PVT1: variants seen among roughly 807,000 people sequenced by gnomAD.
PVT1 encodes the protein Pvt1 oncogene, also known as CXCR4/PVT1 fusion.
chr8:127,889,035 T>TTCCTTCCTTCCTTCCTTC (rs1815561979), intron 2 of PVT1, among the ~76,000 whole-genome samples: 2 of 100,494 alleles, frequency 2.0e-5, no homozygotes, highest in African/African-American at 7.1e-5. Flanking sequence ...TTTCTCTCTT[T>TTCCTTCCTTCCTTCCTTC]CTTTCTTCCT....
intron 2 of PVT1, among the ~76,000 whole-genome samples, chr8:127,832,440 T>C (rs1351326748): frequency 6.6e-6 from 1 of 152,366 alleles, no homozygotes; most frequent in Non-Finnish European, 1.5e-5. Flanking sequence ...CAGGCATTTT[T>C]ACTGTAGTAC....
At chr8:127,932,642 ACG>A (rs1816221920) in intron 3 of PVT1, 1 of 398,272 alleles carries the variant, frequency 2.5e-6, no homozygotes, top group Non-Finnish European at 4.4e-6. Context: ...ACACCAAGCT[ACG>A]TACAGCTTCA....
chr8:127,889,683 T>C lies in PVT1; in HGVS notation n.373-906T>C, dbSNP rs1586423325. Among the ~76,000 whole-genome samples, 3 of 152,254 alleles carry C rather than the reference T, an allele frequency of 2.0e-5. No homozygotes were observed. The South Asian group carries it at 6.2e-4, about 32-fold the overall frequency. ...TAGAGCGGCGGATCAGGGCACAGAC[T>C]TGGGAGACAGACTGTCTAGCTTCAG... is the stretch of plus-strand genomic sequence containing the variant. On this transcript the variant is annotated intron_variant and non_coding_transcript_variant, in intron 2 of 10. Transcript: ENST00000651587.
At chr8:128,043,754 A>G (rs1813573914) in intron 4 of PVT1, among the ~76,000 whole-genome samples, 2 of 139,674 alleles carry the variant, frequency 1.4e-5, no homozygotes. Context: ...ATATAGTATT[A>G]TTTTCCCAAA....
At chr8:127,985,892 G>A (rs1398447014) in intron 3 of PVT1, among the ~76,000 whole-genome samples, 1 of 152,134 alleles carries the variant, frequency 6.6e-6, no homozygotes, top group Non-Finnish European at 1.5e-5. Flanking sequence ...ACTGTCTCCT[G>A]CCAAGTGGCC....
intron 3 of PVT1, among the ~76,000 whole-genome samples, chr8:127,910,095 T>C (rs757611261): frequency 1.8e-4 from 28 of 152,228 alleles, no homozygotes; most frequent in Non-Finnish European, 3.1e-4. Context: ...GCACACCACG[T>C]CCGTCCTCAT....
At chr8:127,937,608 G>C (rs111933004) in intron 3 of PVT1, among the ~76,000 whole-genome samples, 2,870 of 149,072 alleles carry the variant, frequency 0.019, 98 homozygotes, top group African/African-American at 0.068. Context: ...GAGAGAGAGA[G>C]ACCAACGTGG....
intron 3 of PVT1, among the ~76,000 whole-genome samples, chr8:127,933,385 A>G (rs1003202241): frequency 1.3e-5 from 2 of 152,188 alleles, no homozygotes; most frequent in Non-Finnish European, 2.9e-5. Flanking sequence ...AGTATCATGG[A>G]TATTTTTAAA....
intron 2 of PVT1, among the ~76,000 whole-genome samples, chr8:127,812,639 A>AGGAAG (rs201063026): frequency 4.1e-5 from 6 of 145,010 alleles, no homozygotes; most frequent in Admixed American, 6.9e-5. Flanking sequence ...GAAGGAAGGA[A>AGGAAG]GGAAGGGAAG....
intron 3 of PVT1, among the ~76,000 whole-genome samples, chr8:127,946,341 A>AG (rs1420315504): frequency 1.3e-5 from 2 of 152,260 alleles, no homozygotes; most frequent in Non-Finnish European, 2.9e-5. Context: ...TAGTGGAGGA[A>AG]GGGGGAAGAG....
At chr8:127,948,155 A>G in intron 3 of PVT1, 1 of 365,668 alleles carries the variant, frequency 2.7e-6, no homozygotes, top group South Asian at 2.1e-5. Context: ...CTGTTTTATT[A>G]TCCCTGACAA....
intron 4 of PVT1, among the ~76,000 whole-genome samples, chr8:128,047,827 A>G (rs1050076356): frequency 2.0e-5 from 3 of 152,232 alleles, no homozygotes; most frequent in Non-Finnish European, 4.4e-5. Context: ...CCATTCCACA[A>G]TGTATACATC....
chr8:128,088,287 G>A (rs1230935421), intron 5 of PVT1, among the ~76,000 whole-genome samples: 4 of 152,144 alleles, frequency 2.6e-5, no homozygotes, highest in South Asian at 4.1e-4. Context: ...TGGGCTCAGC[G>A]CAGGGGCCAA....
intron 3 of PVT1, among the ~76,000 whole-genome samples, chr8:127,966,046 G>A (rs574611689): frequency 6.4e-4 from 97 of 152,316 alleles, no homozygotes; most frequent in African/African-American, 2.3e-3. Flanking sequence ...ACATGGAGGG[G>A]GTAGCTTGCT....
chr8:128,007,330 A>G (rs1206856482), intron 4 of PVT1, among the ~76,000 whole-genome samples: 1 of 152,218 alleles, frequency 6.6e-6, no homozygotes, highest in African/African-American at 2.4e-5. Context: ...TACTGTGTAT[A>G]TAAGATGTCA....
intron 3 of PVT1, among the ~76,000 whole-genome samples, chr8:127,921,064 A>G (rs1816050687): frequency 6.6e-6 from 1 of 152,238 alleles, no homozygotes; most frequent in African/African-American, 2.4e-5. Flanking sequence ...CAGTGGCAGA[A>G]CTGAGGAACA....
chr8:128,058,520 C>T (rs1472482), intron 4 of PVT1, among the ~76,000 whole-genome samples: 151,336 of 152,214 alleles, frequency 0.99, 75,234 homozygotes, highest in East Asian at 1. Flanking sequence ...CACCATTTGA[C>T]TGCTTGGACA....
rs1290113910 is a variant in PVT1 at position 127,851,019 on chromosome 8, T to TA, written n.373-39561dup. Among the ~76,000 whole-genome samples, 154 of 148,852 alleles carry TA rather than the reference T, an allele frequency of 1.0e-3. 1 individual carries two copies. The Middle Eastern group carries it at 0.017, about 17-fold the overall frequency. On this transcript the variant is annotated intron_variant and non_coding_transcript_variant, in intron 2 of 10. Transcript: ENST00000651587. ...GAGACTCTGTCTCAAAAAAAAAAATTAAAAAAAAATAAAAAAAGATAAAAT... is the reference window on the plus strand; with the variant it reads ...GAGACTCTGTCTCAAAAAAAAAAATTAAAAAAAAAATAAAAAAAGATAAAAT...
intron 4 of PVT1, chr8:128,049,321 T>C (rs1390651787): frequency 2.5e-6 from 1 of 398,074 alleles, no homozygotes; most frequent in Non-Finnish European, 5.1e-6. Context: ...GGAGAGTGAA[T>C]GAGGAAGGAA....
Sources: gnomAD v4.1 joint callset for allele counts (sites outside exome capture counted in the v4.1 genomes callset) on GRCh38, gnomAD v4.1.1 for gene constraint, MANE v1.5 for transcripts, NCBI Gene and HGNC (gene_info 2026-07-23, HGNC 2026-07-21) for gene names.